Variants in BACH2 observed in about 807,000 individuals in gnomAD.
The protein encoded by BACH2 is transcription regulator protein BACH2.
A neutral mutation model predicts 61.8 loss-of-function variants in BACH2; 5 were observed. The observed-to-expected ratio is 0.08, with a 90% confidence interval of 0.04 to 0.17. The LOEUF (loss-of-function observed/expected upper bound fraction) is 0.17, where lower values mean the gene tolerates loss of function less well. Among genes scored for constraint, BACH2 ranks in the 10% least tolerant of loss-of-function variants. BACH2 has a pLI of 1.00. For missense variants in BACH2, 824 were observed against 1,091.1 expected, an observed-to-expected ratio of 0.76 and a Z score of 3.45; for synonymous variants, 446 against 440.1, an observed-to-expected ratio of 1.01 and a Z score of -0.17.
At chr6:90,258,494 G>T (rs139195939) in intron 2 of BACH2, among the ~76,000 whole-genome samples, 117 of 152,202 alleles carry the variant, frequency 7.7e-4, no homozygotes, top group African/African-American at 2.5e-3. Flanking sequence ...AAATCAGGAA[G>T]TATAATACCT....
chr6:89,981,262 GC>G (rs1775936922), intron 6 of BACH2, among the ~76,000 whole-genome samples: 1 of 151,846 alleles, frequency 6.6e-6, no homozygotes, highest in Admixed American at 6.6e-5. Context: ...CTCCCCAGTA[GC>G]CGGGACTACA....
chr6:89,971,459 C>T (rs745967777), intron 6 of BACH2, among the ~76,000 whole-genome samples: 3 of 152,092 alleles, frequency 2.0e-5, no homozygotes, highest in East Asian at 1.9e-4. Flanking sequence ...ATGAAGGAAA[C>T]GGTACTTGGT....
intron 3 of BACH2, among the ~76,000 whole-genome samples, chr6:90,242,124 A>C (rs1233580312): frequency 6.6e-6 from 1 of 152,322 alleles, no homozygotes; most frequent in Middle Eastern, 3.4e-3. Context: ...TATAGTTTAC[A>C]TAAGAGTTCA....
intron 5 of BACH2, among the ~76,000 whole-genome samples, chr6:90,073,373 A>G (rs1438682811): frequency 6.6e-6 from 1 of 152,254 alleles, no homozygotes; most frequent in Non-Finnish European, 1.5e-5. Flanking sequence ...GAATGCTCTC[A>G]TTCCTGGCAT....
At chr6:90,200,813 T>C (rs2127847666) in intron 4 of BACH2, among the ~76,000 whole-genome samples, 1 of 152,310 alleles carries the variant, frequency 6.6e-6, no homozygotes, top group African/African-American at 2.4e-5. Flanking sequence ...GCAATGAAGT[T>C]CATATTTTAA....
intron 6 of BACH2, among the ~76,000 whole-genome samples, chr6:89,996,275 C>T (rs534276415): frequency 5.3e-5 from 8 of 152,290 alleles, no homozygotes; most frequent in Middle Eastern, 3.4e-3. Context: ...AGGTGTAGAC[C>T]TTCCTCACCT....
intron 4 of BACH2, among the ~76,000 whole-genome samples, chr6:90,095,897 C>G (rs1278979551): frequency 6.6e-6 from 1 of 152,138 alleles, no homozygotes; most frequent in East Asian, 1.9e-4. Flanking sequence ...TGAGAGAACC[C>G]TGACTCAGAG....
chr6:90,286,003 C>G (rs761640262), intron 1 of BACH2, among the ~76,000 whole-genome samples: 3 of 152,180 alleles, frequency 2.0e-5, no homozygotes, highest in African/African-American at 7.2e-5. Flanking sequence ...TATGCCACTG[C>G]TCAAAAAGAA....
intron 3 of BACH2, among the ~76,000 whole-genome samples, chr6:90,243,046 A>AT (rs397886318): frequency 0.15 from 15,060 of 101,226 alleles, 2,285 homozygotes; most frequent in Non-Finnish European, 0.22. Context: ...TGCCCGGCTA[A>AT]TTTTTTTTTT....
chr6:89,969,116 C>A (rs765597618), intron 6 of BACH2, among the ~76,000 whole-genome samples: 1 of 135,616 alleles, frequency 7.4e-6, no homozygotes, highest in African/African-American at 2.8e-5. Context: ...TGCAATGGTG[C>A]GATCTTGGCT....
intron 4 of BACH2, among the ~76,000 whole-genome samples, chr6:90,192,547 C>T (rs2501714): frequency 0.77 from 117,470 of 152,032 alleles, 46,531 homozygotes; most frequent in African/African-American, 0.94. Flanking sequence ...GGTTATACAA[C>T]CGTCTTCTGC....
At chr6:90,100,431 T>C (rs1320984902) in intron 4 of BACH2, among the ~76,000 whole-genome samples, 1 of 152,092 alleles carries the variant, frequency 6.6e-6, no homozygotes, top group Non-Finnish European at 1.5e-5. Flanking sequence ...TTTACATCAG[T>C]AGTCTTTGAA....
chr6:90,153,167 T>C (rs988729014), intron 4 of BACH2, among the ~76,000 whole-genome samples: 52 of 152,198 alleles, frequency 3.4e-4, no homozygotes, highest in Middle Eastern at 3.2e-3. Context: ...AAGGCAAGTA[T>C]ATTTATTAAG....
intron 5 of BACH2, among the ~76,000 whole-genome samples, chr6:90,047,564 T>C (rs529842960): frequency 6.6e-6 from 1 of 152,310 alleles, no homozygotes; most frequent in South Asian, 2.1e-4. Flanking sequence ...ACAGTATCCT[T>C]GATGAAGCTG....
chr6:90,208,059 T>C (rs1769211725), intron 3 of BACH2, among the ~76,000 whole-genome samples: 1 of 152,054 alleles, frequency 6.6e-6, no homozygotes, highest in Non-Finnish European at 1.5e-5. Flanking sequence ...AAATACCACA[T>C]GCGGATTAAA....
intron 5 of BACH2, among the ~76,000 whole-genome samples, chr6:90,020,634 T>C (rs1309093481): frequency 6.6e-6 from 1 of 152,036 alleles, no homozygotes; most frequent in Non-Finnish European, 1.5e-5. Context: ...AGTTAGAGTA[T>C]CAGAAAACAG....
chr6:89,996,947 AG>A (rs1037284390), intron 6 of BACH2, among the ~76,000 whole-genome samples: 1 of 151,926 alleles, frequency 6.6e-6, no homozygotes, highest in African/African-American at 2.4e-5. Context: ...GCTTCTATGA[AG>A]TGTTGTACTT....
chr6:90,126,631 T>C, intron 4 of BACH2, among the ~76,000 whole-genome samples: 1 of 152,228 alleles, frequency 6.6e-6, no homozygotes, highest in East Asian at 1.9e-4. Flanking sequence ...AGCAATAAAA[T>C]GTAAAACACT....
At chr6:90,057,242 G>GA (rs1473642281) in intron 5 of BACH2, among the ~76,000 whole-genome samples, 2 of 152,110 alleles carry the variant, frequency 1.3e-5, no homozygotes, top group African/African-American at 4.8e-5. Flanking sequence ...TAATCAAGAA[G>GA]AAAAGAGAGA....
Sources: allele counts gnomAD v4.1 joint callset (sites outside exome capture counted in the v4.1 genomes callset), GRCh38; gene constraint gnomAD v4.1.1; transcripts MANE v1.5; gene names NCBI Gene and HGNC (gene_info 2026-07-23, HGNC 2026-07-21).